The following TMEM200B variants were observed in gnomAD, a reference collection of about 807,000 sequenced individuals.
TMEM200B encodes transmembrane protein 200B.
In TMEM200B, 12 loss-of-function variants were observed where a neutral mutation model predicts 17.6. The ratio of observed to expected loss-of-function variants is 0.68; its 90% CI spans 0.44 to 1.11. The LOEUF (loss-of-function observed/expected upper bound fraction) is 1.11. TMEM200B is among the 50% of genes least tolerant of loss of function. The pLI is 0.00. For synonymous variants in TMEM200B, 234 were observed against 209.2 expected, an observed-to-expected ratio of 1.12 and a Z score of -1.02; for missense variants, 456 against 447.6, an observed-to-expected ratio of 1.02 and a Z score of -0.17.
Position 29,121,921 on chromosome 1 carries a change from A to T in TMEM200B, c.-20-73T>A. The T allele has an allele frequency of 9.2e-7, 1 of 1,082,126 alleles. No homozygotes were observed. The allele number at this position is 1,082,126 out of a possible 1,614,324, so 67.0% of individuals were successfully genotyped here. ...CTTCAGGGCGCCAGGTTCGGGGCGC[A>T]AATCCGGGAGGGAAGCTCCGGCCGC... On this transcript the variant is annotated intron_variant, in intron 1 of 1. Transcript: ENST00000521452. The surrounding 1 kb of genome is among the most constrained non-coding windows in gnomAD (Gnocchi z 5.6).
At position 29,121,668 on chromosome 1, in the gene TMEM200B, G is replaced by T; in HGVS notation, c.161C>A (p.Ala54Glu). 7.2e-7 allele frequency: 1 copy of T among 1,383,954 alleles called. No homozygotes were observed. Among genetic ancestry groups the T allele is most frequent in the Non-Finnish European group, 9.3e-7 (1 of 1,070,984 alleles). The allele number at this position is 1,383,954 out of a possible 1,614,324, so 85.7% of individuals were successfully genotyped here. Residue 54 changes from alanine (A) to glutamate (E), a missense_variant, in exon 2 of 2, where the codon GCG becomes GAG. Coordinates refer to ENST00000521452, the MANE Select transcript of TMEM200B (RefSeq NM_001003682.4). This position sits in a 1 kb window ranked among gnomAD's most constrained non-coding sequence, Gnocchi z 5.6. Reference protein sequence around the residue: ...ARLRLRSPSGAFAALGALVVL... With the variant: ...ARLRLRSPSGEFAALGALVVL... ...CACGAGCGCCCCCAGCGCCGCGAAC[G>T]CCCCCGACGGCGAGCGCAGCCGCAG...
rs764658731 is a variant in TMEM200B, at chr1:29,121,861, G to A, written c.-20-13C>T. 3 of 1,266,674 alleles carry A rather than the reference G, an allele frequency of 2.4e-6. No individual in the cohort carries two copies. Among genetic ancestry groups the A allele is most frequent in the African/African-American group, 3.1e-5 (2 of 65,198 alleles). 78.5% of individuals were successfully genotyped at this position (1,266,674 alleles called of 1,614,324 possible). On this transcript the variant is annotated splice_polypyrimidine_tract_variant and intron_variant, in intron 1 of 1. Coordinates refer to ENST00000521452, the MANE Select transcript of TMEM200B (RefSeq NM_001003682.4). The surrounding 1 kb of genome is among the most constrained non-coding windows in gnomAD (Gnocchi z 5.6). ...TCGTCTGGGCGCTCTGCGGAGAGAA[G>A]ATGGGAGGCAAGGACTGGACCGACG...
chr1:29,120,930 C>A lies in TMEM200B; in HGVS notation c.899G>T (p.Gly300Val). ...TCAGACCCGGGCCCCCAAGTCCCCT[C>A]CTCCTCCCAATTTGGCATAGCCCCC... ...SLGGYAKLGG[G>V]GDLGARV is the part of the protein sequence containing the mutation. Residue 300 changes from glycine to valine, a missense_variant, in exon 2 of 2, where the codon GGA (glycine) becomes GTA (valine). Physicochemically the swap from Gly to Val is moderately radical, Grantham distance 109. Transcript: ENST00000521452. 1 of 1,608,686 alleles carries A rather than the reference C, an allele frequency of 6.2e-7. No individual in the cohort carries two copies. The highest frequency in any genetic ancestry group is 2.2e-5 in the East Asian group (1 of 44,684).
chr1:29,120,285 G>A lies in TMEM200B; in HGVS notation c.*620C>T, dbSNP rs12117132. On this transcript the variant is annotated 3_prime_UTR_variant, in exon 2 of 2. Transcript: ENST00000521452. ...AAGGAAGGAGAGAAGGGGCTTCTCA[G>A]ACTTATTTGCAGAAGGGCCCAGAAC... 6.5e-6 allele frequency: 1 copy of A among 152,796 alleles called. No homozygotes were observed. The highest frequency in any genetic ancestry group is 1.9e-4 in the East Asian group (1 of 5,198). The allele number at this position is 152,796 out of a possible 1,614,324, so 9.5% of individuals were successfully genotyped here.
chr1:29,122,767 C>T (rs954874702), intron 1 of TMEM200B, among the ~76,000 whole-genome samples: 5 of 152,058 alleles, frequency 3.3e-5, no homozygotes, highest in Non-Finnish European at 7.4e-5. Flanking sequence ...GCCTCCTTTC[C>T]CGCCTCCTCC....
chr1:29,121,309 C>T lies in TMEM200B; in HGVS notation c.520G>A (p.Gly174Ser). The T allele has an allele frequency of 6.3e-7, 1 of 1,599,232 alleles. No homozygotes were observed. The highest frequency in any genetic ancestry group is 1.1e-5 in the South Asian group (1 of 89,168). Residue 174 changes from glycine to serine, a missense_variant, in exon 2 of 2, where the codon GGC (glycine) becomes AGC (serine). Transcript: ENST00000521452. This position sits in a 1 kb window ranked among gnomAD's most constrained non-coding sequence, Gnocchi z 5.6. ...CCTACGGCTCGGGGACTCCTAGGGCCGGGGCTGGGAAGGAGGGCGCAGTCC... is the reference window on the plus strand; with the variant it reads ...CCTACGGCTCGGGGACTCCTAGGGCTGGGGCTGGGAAGGAGGGCGCAGTCC... ...GWDCALLPSPGPRSPRAVGCA... is the reference protein window; with the variant it reads ...GWDCALLPSPSPRSPRAVGCA...
In TMEM200B at chr1:29,121,074, C is replaced by G. The variant is rs145149944; in HGVS notation, c.755G>C (p.Gly252Ala). 65 of 1,613,844 alleles carry G rather than the reference C, an allele frequency of 4.0e-5. No individual in the cohort carries two copies. In the African/African-American group the frequency reaches 6.8e-4, roughly 17 times the overall value. ...AGACTTGGAATGTTCAATGCAGGAGCCAGACGGCTGCACGGTGATGATCAC... is the reference window on the plus strand; with the variant it reads ...AGACTTGGAATGTTCAATGCAGGAGGCAGACGGCTGCACGGTGATGATCAC... ...GHVIITVQPS[G>A]SCIEHSKSLD... is the part of the protein sequence containing the mutation. The change falls in exon 2 of 2, where the codon GGC becomes GCC. Residue 252 changes from glycine to alanine, a missense_variant. By Grantham distance (60) the Gly-to-Ala change is moderately conservative. Transcript: ENST00000521452. This position sits in a 1 kb window ranked among gnomAD's most constrained non-coding sequence, Gnocchi z 5.6.
chr1:29,122,634 GCTGGGCCCCGCCGGACGGATGCCCTCCC>G (rs1671858988), intron 1 of TMEM200B: 1 of 152,364 alleles, frequency 6.6e-6, no homozygotes, highest in South Asian at 2.1e-4. Context: ...GGTGCCGGGC[GCTGGGCCCCGCCGGACGGATGCCCTCCC>G]GGCTCCCCCG....
intron 1 of TMEM200B, 80 bp downstream of exon 1, chr1:29,123,772 CGAGG>C (rs35689224): frequency 0.78 from 114,334 of 146,786 alleles, 44,800 homozygotes; most frequent in Non-Finnish European, 0.84. Context: ...GGGCCCTGAC[CGAGG>C]GAGGGAGGGA....
At position 29,121,669 on chromosome 1, in the gene TMEM200B, C is replaced by A. The variant is rs778282184; in HGVS notation, c.160G>T (p.Ala54Ser). ...ACGAGCGCCCCCAGCGCCGCGAACG[C>A]CCCCGACGGCGAGCGCAGCCGCAGC... ...ARLRLRSPSGAFAALGALVVL... is the reference protein window; with the variant it reads ...ARLRLRSPSGSFAALGALVVL... Residue 54 changes from alanine to serine, a missense_variant, in exon 2 of 2, where the codon GCG becomes TCG. Ala to Ser is a moderately conservative substitution (Grantham distance 99, BLOSUM62 1). Coordinates refer to ENST00000521452, the MANE Select transcript of TMEM200B (RefSeq NM_001003682.4). The surrounding 1 kb of genome is among the most constrained non-coding windows in gnomAD (Gnocchi z 5.6). 7.2e-7 allele frequency: 1 copy of A among 1,384,564 alleles called. No homozygotes were observed. The highest frequency in any genetic ancestry group is 1.6e-5 in the South Asian group (1 of 62,116). 85.8% of individuals were successfully genotyped at this position (1,384,564 alleles called of 1,614,324 possible).
intron 1 of TMEM200B, among the ~76,000 whole-genome samples, chr1:29,122,130 C>A (rs1425953073): frequency 6.6e-6 from 1 of 152,152 alleles, no homozygotes; most frequent in Non-Finnish European, 1.5e-5. Context: ...TGTTCCCTGG[C>A]GCATCCCGGG....
chr1:29,121,807 C>T lies in TMEM200B; in HGVS notation c.22G>A (p.Glu8Lys). The T allele has an allele frequency of 2.3e-6, 3 of 1,283,098 alleles. No individual in the cohort carries two copies. Among genetic ancestry groups the T allele is most frequent in the Non-Finnish European group, 3.0e-6 (3 of 1,015,452 alleles). The allele number at this position is 1,283,098 out of a possible 1,614,324, so 79.5% of individuals were successfully genotyped here. The change falls in exon 2 of 2, where the codon GAA (glutamate) becomes AAA (lysine). Residue 8 changes from glutamate (E) to lysine (K), a missense_variant. By Grantham distance (56) the Glu-to-Lys change is moderately conservative. Coordinates refer to ENST00000521452, the MANE Select transcript of TMEM200B (RefSeq NM_001003682.4). This position sits in a 1 kb window ranked among gnomAD's most constrained non-coding sequence, Gnocchi z 5.6. ...GGGCTCCTCCGCACCTCCCCGCATTCTTCGGGGCTCCCGGCCGTCATCTCG... is the reference window on the plus strand; with the variant it reads ...GGGCTCCTCCGCACCTCCCCGCATTTTTCGGGGCTCCCGGCCGTCATCTCG... MTAGSPEECGEVRRSPEG... is the reference protein window; with the variant it reads MTAGSPEKCGEVRRSPEG...
At position 29,121,410 on chromosome 1, in the gene TMEM200B, C is replaced by G; in HGVS notation, c.419G>C (p.Arg140Pro). The change falls in exon 2 of 2, where the codon CGA (arginine) becomes CCA (proline). Residue 140 changes from arginine (R) to proline (P), a missense_variant. Transcript: ENST00000521452. The surrounding 1 kb of genome is among the most constrained non-coding windows in gnomAD (Gnocchi z 5.6). ...GCGGAGCCGTCGCGTCTCCAAGTCT[C>G]GGTTCTCATACAGCAGTGTGTTGGC... ...ICANTLLYEN[R>P]DLETRRLRQG... is the part of the protein sequence containing the mutation. 1 of 1,539,368 alleles carries G rather than the reference C, an allele frequency of 6.5e-7. No individual in the cohort carries two copies.
At position 29,119,466 on chromosome 1, in the gene TMEM200B, A is replaced by T. The variant is rs1671520493; in HGVS notation, c.*1439T>A. On this transcript the variant is annotated 3_prime_UTR_variant, in exon 2 of 2. Transcript: ENST00000521452. ...AATTTTATTTTAATTTGAGAAATAA[A>T]GATTTCCTCCAAGCCACATGAGGAC... 6.6e-6 allele frequency: 1 copy of T among 152,482 alleles called. No individual in the cohort carries two copies. Among genetic ancestry groups the T allele is most frequent in the African/African-American group, 2.4e-5 (1 of 41,466 alleles). The allele number at this position is 152,482 out of a possible 1,614,324, so 9.4% of individuals were successfully genotyped here.
In TMEM200B at chr1:29,120,683, C is replaced by T. The variant is rs755610329; in HGVS notation, c.*222G>A. On this transcript the variant is annotated 3_prime_UTR_variant, in exon 2 of 2. Transcript: ENST00000521452. ...ATTCCTGAGGCGAGTCCTCCACACC[C>T]CACAGTGAAACGCACCCTCTCCAGC... The T allele has an allele frequency of 8.4e-6, 5 of 597,886 alleles. No individual in the cohort carries two copies. Among genetic ancestry groups the T allele is most frequent in the Non-Finnish European group, 1.4e-5 (5 of 347,844 alleles). The allele number at this position is 597,886 out of a possible 1,614,324, so 37.0% of individuals were successfully genotyped here.
chr1:29,123,398 T>A (rs1671885226), intron 1 of TMEM200B, among the ~76,000 whole-genome samples: 1 of 151,996 alleles, frequency 6.6e-6, no homozygotes, highest in East Asian at 1.9e-4. Flanking sequence ...GCGAGGCCCA[T>A]CCCCTCCTTG....
rs1282574610 is a variant in TMEM200B at position 29,121,105 on chromosome 1, C to T, written c.724G>A (p.Gly242Ser). The T allele has an allele frequency of 1.2e-6, 2 of 1,613,738 alleles. No individual in the cohort carries two copies. The highest frequency in any genetic ancestry group is 1.3e-5 in the African/African-American group (1 of 74,948). Residue 242 changes from glycine to serine, a missense_variant, in exon 2 of 2, where the codon GGC becomes AGC. Physicochemically the swap from Gly to Ser is moderately conservative, Grantham distance 56. Coordinates refer to ENST00000521452, the MANE Select transcript of TMEM200B (RefSeq NM_001003682.4). The surrounding 1 kb of genome is among the most constrained non-coding windows in gnomAD (Gnocchi z 5.6). ...PPPWGPRTQT[G>S]HVIITVQPSG... ...GGCTGCACGGTGATGATCACATGGC[C>T]AGTCTGCGTCCGTGGACCCCAGGGT...
Position 29,119,965 on chromosome 1 carries a change from G to T in TMEM200B, c.*940C>A, listed in dbSNP as rs962063093. ...GCTGTTTTGGCCTTTCGTAGTAGAA[G>T]TGGTTGTAGTGTTTAGATATCTGTT... On this transcript the variant is annotated 3_prime_UTR_variant, in exon 2 of 2. Coordinates refer to ENST00000521452, the MANE Select transcript of TMEM200B (RefSeq NM_001003682.4). 1.2e-4 allele frequency: 18 copies of T among 152,640 alleles called. No homozygotes were observed. The highest frequency in any genetic ancestry group is 3.9e-4 in the African/African-American group (16 of 41,440). 9.5% of individuals were successfully genotyped at this position (152,640 alleles called of 1,614,324 possible).
chr1:29,121,688 C>T lies in TMEM200B; in HGVS notation c.141G>A (p.Arg47=). 7 of 1,323,286 alleles carry T rather than the reference C, an allele frequency of 5.3e-6. No homozygotes were observed. The highest frequency in any genetic ancestry group is 4.8e-6 in the Non-Finnish European group (5 of 1,039,256). 82.0% of individuals were successfully genotyped at this position (1,323,286 alleles called of 1,614,324 possible). The change falls in exon 2 of 2, where the codon CGG becomes CGA. Residue 47 remains arginine (R), a synonymous_variant. Coordinates refer to ENST00000521452, the MANE Select transcript of TMEM200B (RefSeq NM_001003682.4). The surrounding 1 kb of genome is among the most constrained non-coding windows in gnomAD (Gnocchi z 5.6). The stretch of plus-strand genomic sequence containing the variant: ...CGAACGCCCCCGACGGCGAGCGCAG[C>T]CGCAGCCGCGCCCGCACCCGCAGAG... ...PEPLRVRARL[R]LRSPSGAFAA...
Sources: gnomAD v4.1 joint callset for allele counts (sites outside exome capture counted in the v4.1 genomes callset) on GRCh38, gnomAD v4.1.1 for gene constraint, Gnocchi (gnomAD v3.1) non-coding constraint, MANE v1.5 for transcripts, NCBI Gene and HGNC (gene_info 2026-07-23, HGNC 2026-07-21) for gene names.